The following KATNAL2 variants were observed in gnomAD, a reference collection of about 807,000 sequenced individuals.
KATNAL2 encodes katanin catalytic subunit A1 like 2, also known as katanin p60 ATPase-containing subunit A-like 2.
A neutral mutation model predicts 76.3 loss-of-function variants in KATNAL2; 52 were observed. The ratio of observed to expected loss-of-function variants is 0.68; its 90% CI spans 0.55 to 0.86. The LOEUF is 0.86. Among genes scored for constraint, KATNAL2 ranks in the 40% least tolerant of loss-of-function variants. The pLI is 0.00. For synonymous variants in KATNAL2, 243 were observed against 244.2 expected, an observed-to-expected ratio of 1.00 and a Z score of 0.05; for missense variants, 660 against 668.9, an observed-to-expected ratio of 0.99 and a Z score of 0.15.
At position 47,081,197 on chromosome 18, in the gene KATNAL2, C is replaced by G. The variant is rs983328678; in HGVS notation, c.1211+3736C>G. On this transcript the variant is annotated intron_variant, in intron 15 of 17. Coordinates refer to ENST00000683218, the MANE Select transcript of KATNAL2 (RefSeq NM_001387690.1). ...TTTTTCTCTACCTTGCTAAACTTCC[C>G]ATGTGTGTCTCATTTCCCAAGTCTT... is the stretch of plus-strand genomic sequence containing the variant. 2.6e-5 allele frequency among the ~76,000 whole-genome samples: 4 copies of G among 151,962 alleles called. No individual in the cohort carries two copies. The East Asian group carries it at 7.7e-4, about 29-fold the overall frequency.
In KATNAL2 at chr18:46,946,138, A is replaced by G. The variant is rs2059377341; in HGVS notation, c.-428A>G. ...TGGATGAAGAAGACCGAAGATAATG[A>G]TGAAGGGATAATTTGGAATAGGATT... On this transcript the variant is annotated 5_prime_UTR_variant, in exon 2 of 18. An upstream start codon of the reference 5' UTR is lost. Transcript: ENST00000683218. 2.5e-6 allele frequency: 2 copies of G among 799,436 alleles called. No individual in the cohort carries two copies. The highest frequency in any genetic ancestry group is 3.1e-6 in the Non-Finnish European group (2 of 655,724). The allele number at this position is 799,436 out of a possible 1,614,324, so 49.5% of individuals were successfully genotyped here.
At chr18:47,077,325 G>T (rs1010908593) in intron 14 of KATNAL2, 26 bp from the exon 15 acceptor site, 6 of 1,555,428 alleles carry the variant, frequency 3.9e-6, no homozygotes, top group East Asian at 2.2e-5. Flanking sequence ...TGACACTTAG[G>T]AGAATCACGT....
intron 15 of KATNAL2, among the ~76,000 whole-genome samples, chr18:47,097,507 G>A (rs1403210336): frequency 6.6e-6 from 1 of 152,126 alleles, no homozygotes; most frequent in Non-Finnish European, 1.5e-5. Context: ...TAGAGACAGG[G>A]AATAGAGGAA....
At chr18:47,034,387 C>A (rs1472483563) in intron 3 of KATNAL2, 2 of 1,614,050 alleles carry the variant, frequency 1.2e-6, no homozygotes, top group Non-Finnish European at 1.7e-6. Context: ...GGCAGGGACA[C>A]GCTGGCCGCT....
intron 3 of KATNAL2, among the ~76,000 whole-genome samples, chr18:47,036,191 G>A (rs549626192): frequency 6.6e-6 from 1 of 152,302 alleles, no homozygotes; most frequent in South Asian, 2.1e-4. Flanking sequence ...TCCACATCAT[G>A]ACTGCAAGGT....
At chr18:47,053,510 C>T (rs1223562700) in intron 5 of KATNAL2, among the ~76,000 whole-genome samples, 1 of 152,050 alleles carries the variant, frequency 6.6e-6, no homozygotes, top group Non-Finnish European at 1.5e-5. Flanking sequence ...AGATAATGAT[C>T]AATATAATAT....
In KATNAL2 at chr18:47,101,110, T is replaced by C; in HGVS notation, c.*105T>C. The C allele has an allele frequency of 7.7e-7, 1 of 1,305,126 alleles. No homozygotes were observed. The highest frequency in any genetic ancestry group is 1.3e-5 in the South Asian group (1 of 75,650). The allele number at this position is 1,305,126 out of a possible 1,614,324, so 80.8% of individuals were successfully genotyped here. A position where few individuals can be genotyped will look rare whatever the true frequency, so the allele number is the denominator to read the frequency against. On this transcript the variant is annotated 3_prime_UTR_variant, in exon 18 of 18. Coordinates refer to ENST00000683218, the MANE Select transcript of KATNAL2 (RefSeq NM_001387690.1). ...GATTGGAATGGAAAAGAGAAAATTA[T>C]TTTTGAAGACTGGATTAACTTGAGC...
At chr18:47,048,635 C>A (rs1246438587) in intron 4 of KATNAL2, among the ~76,000 whole-genome samples, 2 of 152,132 alleles carry the variant, frequency 1.3e-5, no homozygotes, top group East Asian at 3.9e-4. Context: ...TAAGAGCATT[C>A]CTGAAATTGA....
At chr18:47,039,206 CT>C (rs1233015027) in intron 3 of KATNAL2, among the ~76,000 whole-genome samples, 1 of 152,122 alleles carries the variant, frequency 6.6e-6, no homozygotes, top group Non-Finnish European at 1.5e-5. Flanking sequence ...TTCTCTGCCC[CT>C]CTCCCACATT....
intron 17 of KATNAL2, 95 bp downstream of exon 17, chr18:47,100,451 T>C (rs2063414474): frequency 3.0e-6 from 3 of 985,436 alleles, no homozygotes; most frequent in Non-Finnish European, 4.6e-6. Flanking sequence ...TGGTGCCGCT[T>C]TACACTTGGC....
chr18:47,032,306 G>T (rs1168133479), intron 3 of KATNAL2, among the ~76,000 whole-genome samples: 1 of 152,220 alleles, frequency 6.6e-6, no homozygotes, highest in African/African-American at 2.4e-5. Flanking sequence ...AAGTGCAGTG[G>T]AATGATGAAG....
chr18:47,070,625 G>A lies in KATNAL2; in HGVS notation c.1008+1025G>A, dbSNP rs533727797. ...AATATAAGTGAATATAAAATATTAC[G>A]TATTTTCTGAAAAGTGATTAACAAA... is the stretch of plus-strand genomic sequence containing the variant. On this transcript the variant is annotated intron_variant, in intron 13 of 17. Coordinates refer to ENST00000683218, the MANE Select transcript of KATNAL2 (RefSeq NM_001387690.1). 5.3e-5 allele frequency among the ~76,000 whole-genome samples: 8 copies of A among 152,138 alleles called. No individual in the cohort carries two copies. In the East Asian group the frequency reaches 7.7e-4, roughly 15 times the overall value.
At chr18:46,921,162 C>G (rs2058518439) in intron 1 of KATNAL2, among the ~76,000 whole-genome samples, 1 of 152,200 alleles carries the variant, frequency 6.6e-6, no homozygotes, top group African/African-American at 2.4e-5. Context: ...GAGTCTCGCT[C>G]TGTTGCCCAG....
intron 3 of KATNAL2, among the ~76,000 whole-genome samples, chr18:46,956,108 A>ATGG: frequency 6.6e-6 from 1 of 152,196 alleles, no homozygotes; most frequent in Non-Finnish European, 1.5e-5. Flanking sequence ...ATGTTTATAT[A>ATGG]TTCAAATTTA....
intron 12 of KATNAL2, 24 bp downstream of exon 12, chr18:47,069,307 T>C (rs770480556): frequency 8.8e-6 from 14 of 1,588,518 alleles, no homozygotes; most frequent in Non-Finnish European, 1.2e-5. Context: ...CCTATTTTGA[T>C]GTCAGTGTTA....
intron 1 of KATNAL2, among the ~76,000 whole-genome samples, chr18:46,932,381 A>T (rs1439081158): frequency 6.6e-6 from 1 of 152,126 alleles, no homozygotes; most frequent in Non-Finnish European, 1.5e-5. Flanking sequence ...AAAAGAAATT[A>T]AAAAATGAAA....
chr18:46,953,171 G>A (rs546638816), intron 3 of KATNAL2, among the ~76,000 whole-genome samples: 16 of 152,200 alleles, frequency 1.1e-4, no homozygotes, highest in Non-Finnish European at 1.9e-4. Context: ...TGGGATTACA[G>A]GCGTGAGCCA....
At chr18:47,041,692 G>A (rs1599628112) in intron 3 of KATNAL2, among the ~76,000 whole-genome samples, 1 of 152,294 alleles carries the variant, frequency 6.6e-6, no homozygotes, top group East Asian at 1.9e-4. Flanking sequence ...GTGAACATAA[G>A]TTTTCAATTC....
chr18:47,035,715 A>G (rs763125545), intron 3 of KATNAL2: 6 of 231,608 alleles, frequency 2.6e-5, no homozygotes, highest in Non-Finnish European at 4.6e-5. Flanking sequence ...GCTGTGCCCC[A>G]GAGGTTGATT....
Sources: allele counts gnomAD v4.1 joint callset (sites outside exome capture counted in the v4.1 genomes callset), GRCh38; gene constraint gnomAD v4.1.1; transcripts MANE v1.5; gene names NCBI Gene and HGNC (gene_info 2026-07-23, HGNC 2026-07-21).